Variants in CDON observed in about 807,000 individuals in gnomAD.
CDON encodes the protein cell adhesion molecule-related/down-regulated by oncogenes.
In CDON, 73 loss-of-function variants were observed where a neutral mutation model predicts 120.9. That is an observed-to-expected ratio of 0.60 (90% CI 0.50 to 0.73). The LOEUF is 0.73. CDON is among the 30% of genes least tolerant of loss of function. The pLI is 0.00. For missense variants in CDON, 1,470 were observed against 1,587.3 expected (o/e 0.93, Z 1.26); for synonymous variants, 566 against 573.5 (o/e 0.99, Z 0.19).
intron 10 of CDON, among the ~76,000 whole-genome samples, chr11:126,003,195 C>T (rs1054616992): frequency 2.6e-5 from 4 of 152,180 alleles, no homozygotes; most frequent in Middle Eastern, 3.2e-3. Flanking sequence ...TACAAGGCCA[C>T]AAGTTTTGTC....
At chr11:126,011,512 T>A (rs918215072) in intron 7 of CDON, among the ~76,000 whole-genome samples, 1 of 152,246 alleles carries the variant, frequency 6.6e-6, no homozygotes, top group East Asian at 1.9e-4. Flanking sequence ...CATGTGATTA[T>A]GCGACATTAT....
At chr11:126,043,529 C>T (rs1483800004) in intron 1 of CDON, among the ~76,000 whole-genome samples, 1 of 152,162 alleles carries the variant, frequency 6.6e-6, no homozygotes, top group Non-Finnish European at 1.5e-5. Context: ...GGACCCTCTA[C>T]CAGTGACATT....
intron 4 of CDON, among the ~76,000 whole-genome samples, chr11:126,019,123 A>G (rs1947555993): frequency 6.6e-6 from 1 of 152,090 alleles, no homozygotes; most frequent in Admixed American, 6.6e-5. Flanking sequence ...TTTTTTCCAC[A>G]AATACATATT....
At chr11:126,019,576 A>G in intron 4 of CDON, 43 bp downstream of exon 4, 1 of 1,609,560 alleles carries the variant, frequency 6.2e-7, no homozygotes, top group Non-Finnish European at 8.5e-7. Context: ...TTTAATGAGC[A>G]TTTGTTCTGT....
chr11:125,964,647 G>C (rs183367113), intron 18 of CDON, among the ~76,000 whole-genome samples: 2 of 152,158 alleles, frequency 1.3e-5, no homozygotes, highest in Admixed American at 1.3e-4. Flanking sequence ...TATAATGTAG[G>C]GTTATCTAAG....
intron 18 of CDON, among the ~76,000 whole-genome samples, chr11:125,974,340 TGTAG>T (rs143014617): frequency 0.022 from 2,647 of 122,046 alleles, 20 homozygotes; most frequent in East Asian, 0.054. Context: ...AGCAAACATT[TGTAG>T]GTAGGTAGGT....
At chr11:126,052,112 AAAC>A (rs1332605686) in intron 1 of CDON, among the ~76,000 whole-genome samples, 1 of 149,384 alleles carries the variant, frequency 6.7e-6, no homozygotes, top group Non-Finnish European at 1.5e-5. Context: ...AAACAAAACA[AAAC>A]AAAACAAAAA....
In CDON at chr11:126,019,740, T is replaced by A. The variant is rs1346647775; in HGVS notation, c.375A>T (p.Thr125=). ...TTTCTTCTGCTGTAATAACATGCTT[T>A]GTGGATGAACCAAAATCACCAAGAA... is the stretch of plus-strand genomic sequence containing the variant. ...VAVLGDFGSS[T]KHVITAEEKS... Residue 125 remains threonine, a synonymous_variant, in exon 4 of 20, where the codon ACA becomes ACT. Transcript: ENST00000531738. 6.2e-7 allele frequency: 1 copy of A among 1,613,894 alleles called. No individual in the cohort carries two copies. The highest frequency in any genetic ancestry group is 1.3e-5 in the African/African-American group (1 of 75,038).
intron 7 of CDON, chr11:126,010,931 A>G (rs1388986375): frequency 1.8e-6 from 1 of 567,302 alleles, no homozygotes; most frequent in African/African-American, 1.8e-5. Context: ...TCAGAAAGAA[A>G]GGAATATATA....
rs1378037277 is a variant in CDON, at chr11:125,957,640, A to C, written c.*3302T>G. 2.0e-5 allele frequency: 3 copies of C among 152,246 alleles called. No homozygotes were observed. Among genetic ancestry groups the C allele is most frequent in the Non-Finnish European group, 4.4e-5 (3 of 68,044 alleles). The allele number at this position is 152,246 out of a possible 1,614,324, so 9.4% of individuals were successfully genotyped here. On this transcript the variant is annotated 3_prime_UTR_variant, in exon 20 of 20. Transcript: ENST00000531738. ...ACTTTAAAAGAGAGCAACACAGGTA[A>C]AATTCAATGATAAACTTCACTTCTT...
At chr11:125,973,042 T>A (rs1014075306) in intron 18 of CDON, among the ~76,000 whole-genome samples, 6 of 110,126 alleles carry the variant, frequency 5.4e-5, no homozygotes, top group Non-Finnish European at 7.6e-5. Context: ...TTTTTTTTTT[T>A]AAATCCCTCA....
At chr11:126,029,208 T>C (rs1416923696) in intron 1 of CDON, among the ~76,000 whole-genome samples, 1 of 152,208 alleles carries the variant, frequency 6.6e-6, no homozygotes, top group East Asian at 1.9e-4. Flanking sequence ...TAGGGATTTT[T>C]TTAAACAATA....
chr11:125,989,686 A>G lies in CDON; in HGVS notation c.2724T>C (p.Asn908=). 12 of 1,613,194 alleles carry G rather than the reference A, an allele frequency of 7.4e-6. No individual in the cohort carries two copies. Among genetic ancestry groups the G allele is most frequent in the Non-Finnish European group, 1.0e-5 (12 of 1,179,224 alleles). Residue 908 remains asparagine (N), a synonymous_variant, in exon 15 of 20, where the codon AAT becomes AAC. Coordinates refer to ENST00000531738, the MANE Select transcript of CDON (RefSeq NM_001378964.1). Reference sequence around the variant, plus strand: ...TGCTAAATTCACTTTCTCCTCCTTCATTGAAGCATTGCATTTTAATGTCAT... The same window carrying G: ...TGCTAAATTCACTTTCTCCTCCTTCGTTGAAGCATTGCATTTTAATGTCAT... The part of the protein sequence containing the change: ...TSYDIKMQCF[N]EGGESEFSNV...
chr11:126,043,577 TTTCCATTTTAC>T (rs1948324632), intron 1 of CDON, among the ~76,000 whole-genome samples: 1 of 152,218 alleles, frequency 6.6e-6, no homozygotes, highest in Non-Finnish European at 1.5e-5. Context: ...ATAGGTATTA[TTTCCATTTTAC>T]AAATGAGAAA....
At chr11:126,032,829 G>C (rs2134768539) in intron 1 of CDON, among the ~76,000 whole-genome samples, 1 of 152,228 alleles carries the variant, frequency 6.6e-6, no homozygotes, top group Non-Finnish European at 1.5e-5. Context: ...GCAACATAGG[G>C]AGATCCCATC....
intron 18 of CDON, among the ~76,000 whole-genome samples, chr11:125,970,923 A>G (rs12295474): frequency 0.054 from 8,147 of 152,258 alleles, 263 homozygotes; most frequent in African/African-American, 0.086. Context: ...TTAAAATTCA[A>G]CACAGCACTC....
intron 18 of CDON, among the ~76,000 whole-genome samples, 198 bp from the exon 19 acceptor site, chr11:125,962,196 G>A (rs999529782): frequency 1.3e-5 from 2 of 152,178 alleles, no homozygotes; most frequent in Admixed American, 1.3e-4. Flanking sequence ...CATACAACAG[G>A]AGAATACACC....
At chr11:125,974,139 G>A (rs1251748859) in intron 18 of CDON, among the ~76,000 whole-genome samples, 4 of 150,722 alleles carry the variant, frequency 2.7e-5, no homozygotes, top group Non-Finnish European at 6.0e-5. Flanking sequence ...CAGGTGATCC[G>A]CCCGCCATAG....
intron 18 of CDON, among the ~76,000 whole-genome samples, chr11:125,972,970 T>C (rs1946044944): frequency 6.7e-6 from 1 of 148,876 alleles, no homozygotes; most frequent in Non-Finnish European, 1.5e-5. Context: ...CACCTAGACA[T>C]CATCTTCAAC....
Sources: allele counts gnomAD v4.1 joint callset (sites outside exome capture counted in the v4.1 genomes callset), GRCh38; gene constraint gnomAD v4.1.1; transcripts MANE v1.5; gene names NCBI Gene and HGNC (gene_info 2026-07-23, HGNC 2026-07-21).